The following TREM2 variants were observed in gnomAD, a reference collection of about 807,000 sequenced individuals.
The protein encoded by TREM2 is triggering receptor expressed on myeloid cells 2, also known as triggering receptor expressed on monocytes 2.
TREM2 carries 20 observed loss-of-function variants against 22.9 expected under a neutral mutation model. The observed-to-expected ratio is 0.87, with a 90% CI of 0.61 to 1.27. The LOEUF (loss-of-function observed/expected upper bound fraction) is 1.27. Ranked by LOEUF, TREM2 falls within the 50% of genes most tolerant of loss-of-function variation. The pLI is 0.00. For synonymous variants in TREM2, 111 were observed against 120.9 expected, an observed-to-expected ratio of 0.92 and a Z score of 0.54; for missense variants, 267 against 289.0, an observed-to-expected ratio of 0.92 and a Z score of 0.55.
At chr6:41,161,239 G>A (rs767442790) in intron 2 of TREM2, 24 bp downstream of exon 2, 37 of 1,603,376 alleles carry the variant, frequency 2.3e-5, no homozygotes, top group Admixed American at 5.0e-5. Flanking sequence ...GGGCAGGCCA[G>A]AGAGGCAGCC....
In TREM2 at chr6:41,161,567, G is replaced by C. The variant is rs1366942978; in HGVS notation, c.87C>G (p.Gly29=). The change falls in exon 2 of 5, where the codon GGC becomes GGG. Residue 29 remains glycine (G), a synonymous_variant. Coordinates refer to ENST00000373113, the MANE Select transcript of TREM2 (RefSeq NM_018965.4). ...HNTTVFQGVA[G]QSLQVSCPYD... is the part of the protein sequence containing the mutation. ...AGGGGCAAGACACCTGCAGGGACTG[G>C]CCCGCCACGCCCTGGAACACTGTGG... 1 of 1,613,928 alleles carries C rather than the reference G, an allele frequency of 6.2e-7. No individual in the cohort carries two copies. Among genetic ancestry groups the C allele is most frequent in the Non-Finnish European group, 8.5e-7 (1 of 1,179,978 alleles).
Position 41,159,797 on chromosome 6 carries a change from G to A in TREM2, c.477C>T (p.Ile159=), listed in dbSNP as rs546844731. 1 of 1,614,056 alleles carries A rather than the reference G, an allele frequency of 6.2e-7. No individual in the cohort carries two copies. The highest frequency in any genetic ancestry group is 1.7e-5 in the Admixed American group (1 of 60,022). ...SFEDAHVEHS[I]SRSLLEGEIP... ...GGAAAGACCCATCGCTGTACCTGGA[G>A]ATGCTGTGCTCCACATGGGCATCCT... Residue 159 remains isoleucine, a synonymous_variant, in exon 3 of 5, where the codon ATC becomes ATT. Transcript: ENST00000373113.
At chr6:41,162,767 G>A (rs569742937) in intron 1 of TREM2, among the ~76,000 whole-genome samples, 55 of 152,296 alleles carry the variant, frequency 3.6e-4, no homozygotes, top group Non-Finnish European at 1.6e-4. Flanking sequence ...GGATGCCACT[G>A]TTAGCACTCC....
At position 41,158,986 on chromosome 6, in the gene TREM2, A is replaced by G; in HGVS notation, c.563T>C (p.Leu188Pro). Residue 188 changes from leucine to proline, a missense_variant, in exon 4 of 5, where the codon CTA becomes CCA. Coordinates refer to ENST00000373113, the MANE Select transcript of TREM2 (RefSeq NM_018965.4). ...LLACIFLIKI[L>P]AASALWAAAW... ...TGCAGCCCAGAGGGCGCTGGCTGCT[A>G]GAATCTTGATGAGAAAGATGCAGGC... 6.2e-7 allele frequency: 1 copy of G among 1,614,238 alleles called. No individual in the cohort carries two copies. Among genetic ancestry groups the G allele is most frequent in the Non-Finnish European group, 8.5e-7 (1 of 1,180,042 alleles).
Position 41,158,631 on chromosome 6 carries a change from G to A in TREM2, c.*133C>T. 1 of 1,587,978 alleles carries A rather than the reference G, an allele frequency of 6.3e-7. No individual in the cohort carries two copies. The highest frequency in any genetic ancestry group is 8.6e-7 in the Non-Finnish European group (1 of 1,166,288). On this transcript the variant is annotated 3_prime_UTR_variant, in exon 5 of 5. Transcript: ENST00000373113. ...ACCAGTCCCTGCTTCCAGGGTCCAGGAGAAGCAGTGTTCAGGCAGAGTAGT... is the reference window on the plus strand; with the variant it reads ...ACCAGTCCCTGCTTCCAGGGTCCAGAAGAAGCAGTGTTCAGGCAGAGTAGT...
At chr6:41,158,825 C>T (rs767153175) in intron 4 of TREM2, 45 bp from the exon 5 acceptor site, 7 of 1,614,188 alleles carry the variant, frequency 4.3e-6, no homozygotes, top group Non-Finnish European at 5.9e-6. Context: ...GGCACCGCCT[C>T]CCATCCCTGC....
intron 1 of TREM2, 110 bp downstream of exon 1, chr6:41,162,933 C>G: frequency 6.9e-7 from 1 of 1,442,848 alleles, no homozygotes; most frequent in Non-Finnish European, 9.7e-7. Flanking sequence ...CTCAGGCATG[C>G]GAGGACTGCC....
chr6:41,162,276 G>T (rs1765586013), intron 1 of TREM2, among the ~76,000 whole-genome samples: 1 of 152,178 alleles, frequency 6.6e-6, no homozygotes, highest in South Asian at 2.1e-4. Context: ...ATAGGATTGG[G>T]AAGTTGGTGG....
At chr6:41,159,134 A>G in intron 3 of TREM2, 68 bp from the exon 4 acceptor site, 3 of 1,548,000 alleles carry the variant, frequency 1.9e-6, no homozygotes, top group Non-Finnish European at 2.6e-6. Flanking sequence ...CTCTCAGGGA[A>G]TGGGGAGAAA....
intron 3 of TREM2, 69 bp downstream of exon 3, chr6:41,159,723 C>T (rs1765509078): frequency 2.1e-6 from 3 of 1,446,744 alleles, no homozygotes; most frequent in East Asian, 2.3e-5. Flanking sequence ...GATGCCCAGC[C>T]CCCACCCCCG....
Position 41,159,774 on chromosome 6 carries a change from A to G in TREM2, c.482+18T>C. 1 of 1,612,102 alleles carries G rather than the reference A, an allele frequency of 6.2e-7. No homozygotes were observed. Among genetic ancestry groups the G allele is most frequent in the South Asian group, 1.1e-5 (1 of 91,030 alleles). On this transcript the variant is annotated intron_variant, in intron 3 of 4. Coordinates refer to ENST00000373113, the MANE Select transcript of TREM2 (RefSeq NM_018965.4). ...TGGAAGTCTGCCCACGGGTTTTAGGAAAGACCCATCGCTGTACCTGGAGAT... is the reference window on the plus strand; with the variant it reads ...TGGAAGTCTGCCCACGGGTTTTAGGGAAGACCCATCGCTGTACCTGGAGAT...
chr6:41,162,746 G>A (rs1765600425), intron 1 of TREM2, among the ~76,000 whole-genome samples: 1 of 152,114 alleles, frequency 6.6e-6, no homozygotes, highest in African/African-American at 2.4e-5. Context: ...CCAACTGCCA[G>A]CTAGTGCCTG....
rs202035711 is a variant in TREM2 at position 41,163,116 on chromosome 6, T to C, written c.-34A>G. 6.2e-7 allele frequency: 1 copy of C among 1,613,152 alleles called. No individual in the cohort carries two copies. Among genetic ancestry groups the C allele is most frequent in the East Asian group, 2.2e-5 (1 of 44,828 alleles). ...TCCCCAGCCAAGGGCAGAAGCAGAG[T>C]GCCTTGTGCAAGATCTCGTCTTTCC... On this transcript the variant is annotated 5_prime_UTR_variant, in exon 1 of 5. Coordinates refer to ENST00000373113, the MANE Select transcript of TREM2 (RefSeq NM_018965.4).
chr6:41,158,963 C>T lies in TREM2; in HGVS notation c.586G>A (p.Ala196Thr), dbSNP rs1345120258. The change falls in exon 4 of 5, where the codon GCA (alanine) becomes ACA (threonine). Residue 196 changes from alanine (A) to threonine (T), a missense_variant. Coordinates refer to ENST00000373113, the MANE Select transcript of TREM2 (RefSeq NM_018965.4). ...CCTGGCTTCTGTCCATGCCAGGCTG[C>T]AGCCCAGAGGGCGCTGGCTGCTAGA... ...KILAASALWA[A>T]AWHGQKPGTH... 2 of 1,614,112 alleles carry T rather than the reference C, an allele frequency of 1.2e-6. No homozygotes were observed. Among genetic ancestry groups the T allele is most frequent in the Non-Finnish European group, 1.7e-6 (2 of 1,180,050 alleles).
In TREM2 at chr6:41,158,602, C is replaced by T. The variant is rs763045307; in HGVS notation, c.*162G>A. 9.6e-6 allele frequency: 15 copies of T among 1,564,236 alleles called. No individual in the cohort carries two copies. The East Asian group carries it at 3.3e-4, about 35-fold the overall frequency. On this transcript the variant is annotated 3_prime_UTR_variant, in exon 5 of 5. Coordinates refer to ENST00000373113, the MANE Select transcript of TREM2 (RefSeq NM_018965.4). ...GGTGTTCTTACCACCTCCCCACTCC[C>T]TCAACCAGTCCCTGCTTCCAGGGTC...
rs1172597668 is a variant in TREM2, at chr6:41,159,221, C to T, written c.483-155G>A. 4 of 883,750 alleles carry T rather than the reference C, an allele frequency of 4.5e-6. No individual in the cohort carries two copies. The African/African-American group carries it at 6.8e-5, about 15-fold the overall frequency. 54.7% of individuals were successfully genotyped at this position (883,750 alleles called of 1,614,324 possible). A position where few individuals can be genotyped will look rare whatever the true frequency, so the allele number is the denominator to read the frequency against. On this transcript the variant is annotated intron_variant, in intron 3 of 4. Transcript: ENST00000373113. ...GGGCCTTTTTGGAGCTTTGGGAGCC[C>T]ATAGTCAAGAGACTTGAGTTCTAGG...
intron 1 of TREM2, among the ~76,000 whole-genome samples, chr6:41,161,998 C>T (rs1414959601): frequency 1.3e-5 from 2 of 152,226 alleles, no homozygotes; most frequent in East Asian, 1.9e-4. Context: ...GCTCTGCAGC[C>T]GCCCACATTG....
intron 2 of TREM2, among the ~76,000 whole-genome samples, chr6:41,160,669 C>T (rs1038827799): frequency 3.3e-5 from 5 of 152,120 alleles, no homozygotes; most frequent in African/African-American, 1.2e-4. Context: ...CCCCAACGCC[C>T]CCCGCCAAAT....
chr6:41,159,686 C>T, intron 3 of TREM2, 106 bp downstream of exon 3: 1 of 968,266 alleles, frequency 1.0e-6, no homozygotes, highest in South Asian at 1.3e-5. Context: ...CCTTCAGGCT[C>T]TAGTTGCCTT....
Sources: allele counts gnomAD v4.1 joint callset (sites outside exome capture counted in the v4.1 genomes callset), GRCh38; gene constraint gnomAD v4.1.1; transcripts MANE v1.5; gene names NCBI Gene and HGNC (gene_info 2026-07-23, HGNC 2026-07-21).